The following UQCC1 variants were observed in gnomAD, a reference collection of about 807,000 sequenced individuals.
UQCC1 encodes ubiquinol-cytochrome c reductase complex assembly factor 1.
In UQCC1, 38 loss-of-function variants were observed where a neutral mutation model predicts 48.0. That is an observed-to-expected ratio of 0.79 (90% confidence interval 0.61 to 1.04). UQCC1 has a LOEUF of 1.04. UQCC1 is among the 50% of genes least tolerant of loss of function. UQCC1 has a pLI of 0.00. For synonymous variants in UQCC1, 111 were observed against 129.2 expected (o/e 0.86, Z 0.95); for missense variants, 368 against 381.8 (o/e 0.96, Z 0.30).
At chr20:35,341,235 A>AAG (rs1555805855) in intron 7 of UQCC1, among the ~76,000 whole-genome samples, 13 of 148,344 alleles carry the variant, frequency 8.8e-5, no homozygotes, top group African/African-American at 3.3e-4. Flanking sequence ...AAAAAAAAAA[A>AAG]AAAGAAAGAA....
intron 2 of UQCC1, chr20:35,386,524 C>T (rs2146495673): frequency 2.8e-6 from 1 of 355,256 alleles, no homozygotes; most frequent in Admixed American, 3.9e-5. Context: ...TCATAAGTAT[C>T]AAGCAGGCTT....
intron 1 of UQCC1, among the ~76,000 whole-genome samples, chr20:35,398,142 T>C (rs2146525285): frequency 6.6e-6 from 1 of 152,334 alleles, no homozygotes; most frequent in East Asian, 1.9e-4. Flanking sequence ...TGCTCATTTA[T>C]GGGATGAAAG....
chr20:35,304,168 G>T lies in UQCC1; in HGVS notation c.766-99C>A, dbSNP rs1347929389. On this transcript the variant is annotated intron_variant, in intron 9 of 9. Coordinates refer to ENST00000374385, the MANE Select transcript of UQCC1 (RefSeq NM_018244.5). ...CCTCCCAGAGGAGAGGAAGGAAGGG[G>T]ACGGGGCATGAGGGGGGCTTCTGAC... The T allele has an allele frequency of 5.3e-6, 8 of 1,519,952 alleles. No individual in the cohort carries two copies. In the Admixed American group the frequency reaches 1.5e-4, roughly 28 times the overall value. 94.2% of individuals were successfully genotyped at this position (1,519,952 alleles called of 1,614,324 possible).
chr20:35,361,822 A>C (rs2061608915), intron 6 of UQCC1, among the ~76,000 whole-genome samples: 1 of 152,232 alleles, frequency 6.6e-6, no homozygotes, highest in East Asian at 1.9e-4. Context: ...AATAAATGAT[A>C]ATATACATAA....
At chr20:35,374,106 C>G (rs2061767024) in intron 5 of UQCC1, 78 bp downstream of exon 5, 1 of 1,158,250 alleles carries the variant, frequency 8.6e-7, no homozygotes, top group South Asian at 1.3e-5. Flanking sequence ...ACTAAAAAAA[C>G]CTATCCTATT....
At chr20:35,384,221 T>C (rs1277076251) in intron 2 of UQCC1, 88 bp from the exon 3 acceptor site, 7 of 1,204,952 alleles carry the variant, frequency 5.8e-6, no homozygotes, top group Non-Finnish European at 8.3e-6. Context: ...GACTATAGGA[T>C]CTTTCCAACC....
rs1006260538 is a variant in UQCC1, at chr20:35,374,268, G to T, written c.334-12C>A. On this transcript the variant is annotated splice_polypyrimidine_tract_variant and intron_variant, in intron 4 of 9. Transcript: ENST00000374385. The stretch of plus-strand genomic sequence containing the variant: ...GCAATCTTAATCTTCTAGACAAAGA[G>T]AATAAAACCAAACTCAAGACATGAC... The T allele has an allele frequency of 1.2e-6, 2 of 1,603,452 alleles. No homozygotes were observed. The highest frequency in any genetic ancestry group is 1.7e-5 in the Admixed American group (1 of 58,224).
intron 8 of UQCC1, among the ~76,000 whole-genome samples, chr20:35,311,805 T>C (rs1248858052): frequency 6.6e-6 from 1 of 152,244 alleles, no homozygotes; most frequent in East Asian, 1.9e-4. Flanking sequence ...ACACTGATAT[T>C]TCTAAAAAGT....
intron 1 of UQCC1, among the ~76,000 whole-genome samples, chr20:35,408,492 C>A (rs1279830519): frequency 1.3e-5 from 2 of 152,122 alleles, no homozygotes; most frequent in Admixed American, 1.3e-4. Context: ...AACTGGAACC[C>A]TTGTGCACTG....
At chr20:35,360,101 C>T (rs1309794307) in intron 6 of UQCC1, among the ~76,000 whole-genome samples, 1 of 152,188 alleles carries the variant, frequency 6.6e-6, no homozygotes, top group Non-Finnish European at 1.5e-5. Context: ...CAGGTATCAG[C>T]GCACTTAGGG....
chr20:35,387,292 TAAAAATA>T (rs540828261), intron 2 of UQCC1, among the ~76,000 whole-genome samples: 14 of 151,112 alleles, frequency 9.3e-5, no homozygotes, highest in Middle Eastern at 3.4e-3. Context: ...TCTCAAAAAA[TAAAAATA>T]AAAAATAAAA....
intron 7 of UQCC1, 128 bp downstream of exon 7, chr20:35,347,036 C>G (rs765288162): frequency 4.4e-6 from 7 of 1,601,414 alleles, no homozygotes; most frequent in Non-Finnish European, 5.1e-6. Context: ...TTTAGCGGAA[C>G]TGCCACTTGA....
chr20:35,356,505 A>C (rs2061548670), intron 6 of UQCC1, among the ~76,000 whole-genome samples: 1 of 152,252 alleles, frequency 6.6e-6, no homozygotes, highest in Non-Finnish European at 1.5e-5. Context: ...AGTTAACACA[A>C]CTACGTGCCA....
At chr20:35,347,839 T>G (rs1205239354) in intron 6 of UQCC1, among the ~76,000 whole-genome samples, 2 of 152,222 alleles carry the variant, frequency 1.3e-5, no homozygotes, top group Non-Finnish European at 2.9e-5. Context: ...TTTTTAATAC[T>G]GCTTTCATGT....
intron 7 of UQCC1, among the ~76,000 whole-genome samples, chr20:35,326,895 A>C (rs1342509191): frequency 1.3e-5 from 2 of 152,326 alleles, no homozygotes. Context: ...AAACAGGTGA[A>C]TATAGATCAA....
intron 1 of UQCC1, 100 bp downstream of exon 1, chr20:35,411,840 G>C: frequency 6.6e-7 from 1 of 1,526,226 alleles, no homozygotes; most frequent in Non-Finnish European, 9.1e-7. Flanking sequence ...TATAACACAG[G>C]CTTCCCTCCT....
At chr20:35,394,051 A>G in intron 2 of UQCC1, 41 bp downstream of exon 2, 1 of 1,572,358 alleles carries the variant, frequency 6.4e-7, no homozygotes, top group South Asian at 1.1e-5. Context: ...GCACATAAAC[A>G]CTAAGGTTTT....
At chr20:35,392,170 C>T (rs1290347935) in intron 2 of UQCC1, 1 of 1,171,770 alleles carries the variant, frequency 8.5e-7, no homozygotes, top group African/African-American at 1.6e-5. Flanking sequence ...TCCCATTATG[C>T]ACAATTCTAA....
chr20:35,314,126 G>A (rs574434862), intron 8 of UQCC1, among the ~76,000 whole-genome samples: 1 of 151,574 alleles, frequency 6.6e-6, no homozygotes, highest in African/African-American at 2.4e-5. Context: ...CACCATACCC[G>A]GCTAAGTTTT....
Sources: allele counts gnomAD v4.1 joint callset (sites outside exome capture counted in the v4.1 genomes callset), GRCh38; gene constraint gnomAD v4.1.1; transcripts MANE v1.5; gene names NCBI Gene and HGNC (gene_info 2026-07-23, HGNC 2026-07-21).